Variants in SGCZ observed in about 807,000 individuals in gnomAD.
SGCZ encodes sarcoglycan zeta.
Under a neutral mutation model 41.3 loss-of-function variants are expected in SGCZ, and 40 were observed. The ratio of observed to expected loss-of-function variants is 0.97; its 90% CI spans 0.75 to 1.26. SGCZ has a LOEUF of 1.26. SGCZ is among the 50% of genes most tolerant of loss of function. The pLI, the probability that SGCZ is intolerant of heterozygous loss-of-function variation, is 0.00. For missense variants in SGCZ, 552 were observed against 369.8 expected (o/e 1.49, Z -4.04); for synonymous variants, 206 against 137.5 (o/e 1.50, Z -3.49).
At chr8:14,537,941 T>A (rs1485093545) in intron 2 of SGCZ, among the ~76,000 whole-genome samples, 1 of 151,906 alleles carries the variant, frequency 6.6e-6, no homozygotes, top group Non-Finnish European at 1.5e-5. Flanking sequence ...TCGTTTGCTT[T>A]GCTTTGTTTT....
intron 1 of SGCZ, among the ~76,000 whole-genome samples, chr8:15,103,481 T>C (rs938874196): frequency 6.6e-6 from 1 of 151,992 alleles, no homozygotes; most frequent in African/African-American, 2.4e-5. Flanking sequence ...GTAAAATCTC[T>C]TGTAAAACAA....
intron 1 of SGCZ, among the ~76,000 whole-genome samples, chr8:14,608,451 C>CG (rs34194705): frequency 2.0e-5 from 3 of 150,396 alleles, no homozygotes; most frequent in Non-Finnish European, 3.0e-5. Flanking sequence ...GGCGGGGAGG[C>CG]GGGGGGCAGA....
intron 1 of SGCZ, among the ~76,000 whole-genome samples, chr8:15,189,653 T>C (rs693473): frequency 0.14 from 21,159 of 151,954 alleles, 1,618 homozygotes; most frequent in African/African-American, 0.19. Flanking sequence ...CTGGAACCTC[T>C]GCCTCCTACC....
chr8:14,778,301 A>C (rs1800476120), intron 1 of SGCZ, among the ~76,000 whole-genome samples: 1 of 152,182 alleles, frequency 6.6e-6, no homozygotes, highest in Non-Finnish European at 1.5e-5. Context: ...GTCACCCCAA[A>C]TCTATATTTC....
intron 4 of SGCZ, among the ~76,000 whole-genome samples, chr8:14,176,769 T>C (rs1039887938): frequency 6.6e-6 from 1 of 151,948 alleles, no homozygotes; most frequent in Admixed American, 6.6e-5. Context: ...TTATGGAGAG[T>C]ATCTGAGATG....
intron 1 of SGCZ, among the ~76,000 whole-genome samples, chr8:14,910,485 GT>G (rs144352919): frequency 0.11 from 16,516 of 151,376 alleles, 1,138 homozygotes; most frequent in African/African-American, 0.18. Flanking sequence ...CTTGAAATCT[GT>G]TTTTTTTAAA....
chr8:14,183,075 T>C (rs1188737879), intron 4 of SGCZ, among the ~76,000 whole-genome samples: 5 of 151,838 alleles, frequency 3.3e-5, no homozygotes, highest in African/African-American at 4.8e-5. Flanking sequence ...AATTAAACAT[T>C]TGCAAATAAA....
chr8:14,387,243 T>C (rs935879167), intron 2 of SGCZ, among the ~76,000 whole-genome samples: 4 of 152,120 alleles, frequency 2.6e-5, no homozygotes, highest in Admixed American at 1.3e-4. Context: ...GGAAATACAG[T>C]GTCTTGCTCT....
At chr8:15,170,876 T>C (rs1459650006) in intron 1 of SGCZ, among the ~76,000 whole-genome samples, 2 of 152,318 alleles carry the variant, frequency 1.3e-5, no homozygotes, top group Middle Eastern at 3.4e-3. Context: ...ATTCGTTTAA[T>C]GCAACAAAAG....
chr8:14,705,934 A>T (rs373595098), intron 1 of SGCZ, among the ~76,000 whole-genome samples: 2 of 152,036 alleles, frequency 1.3e-5, no homozygotes, highest in East Asian at 3.9e-4. Context: ...AAGGATAGGG[A>T]TTCATTCATA....
At chr8:14,895,879 T>C (rs780754244) in intron 1 of SGCZ, among the ~76,000 whole-genome samples, 1 of 152,218 alleles carries the variant, frequency 6.6e-6, no homozygotes, top group Non-Finnish European at 1.5e-5. Context: ...AGAAATGGGA[T>C]ATTTTATTTA....
chr8:14,636,135 T>G (rs1291459356), intron 1 of SGCZ, among the ~76,000 whole-genome samples: 1 of 151,852 alleles, frequency 6.6e-6, no homozygotes, highest in Non-Finnish European at 1.5e-5. Context: ...GGACCTGCAG[T>G]AAGTTCAGTG....
At chr8:14,919,828 G>A (rs183959158) in intron 1 of SGCZ, among the ~76,000 whole-genome samples, 30 of 152,172 alleles carry the variant, frequency 2.0e-4, no homozygotes, top group Admixed American at 1.8e-3. Context: ...TGGGGCAGTA[G>A]AATCACTTGA....
chr8:14,794,941 T>C (rs1355130143), intron 1 of SGCZ, among the ~76,000 whole-genome samples: 4 of 152,130 alleles, frequency 2.6e-5, no homozygotes, highest in Non-Finnish European at 5.9e-5. Context: ...CCAGATAAAT[T>C]ATCAGCAGAG....
At chr8:14,941,148 T>G (rs1800262408) in intron 1 of SGCZ, among the ~76,000 whole-genome samples, 5 of 152,080 alleles carry the variant, frequency 3.3e-5, no homozygotes, top group Admixed American at 3.3e-4. Flanking sequence ...ACTCTTCTTG[T>G]TTGTGAAAAT....
chr8:14,159,242 CT>C (rs1803969822), intron 5 of SGCZ, among the ~76,000 whole-genome samples: 1 of 152,178 alleles, frequency 6.6e-6, no homozygotes, highest in Non-Finnish European at 1.5e-5. Flanking sequence ...GATATAACCA[CT>C]TTTTTGGTGG....
chr8:14,116,382 CAA>C (rs1485329373), intron 5 of SGCZ, among the ~76,000 whole-genome samples: 1 of 152,010 alleles, frequency 6.6e-6, no homozygotes, highest in African/African-American at 2.4e-5. Context: ...TTTAAAACAT[CAA>C]AGTTTTACCT....
intron 1 of SGCZ, among the ~76,000 whole-genome samples, chr8:15,097,209 T>C (rs1023119372): frequency 5.9e-5 from 9 of 152,162 alleles, no homozygotes; most frequent in African/African-American, 2.2e-4. Context: ...TTCACCAACT[T>C]CATAACGTGT....
At chr8:14,950,164 C>G (rs1331595945) in intron 1 of SGCZ, among the ~76,000 whole-genome samples, 2 of 152,038 alleles carry the variant, frequency 1.3e-5, no homozygotes, top group Non-Finnish European at 2.9e-5. Flanking sequence ...ATTCCATCTT[C>G]TGGAACATTC....
Sources: gnomAD v4.1 joint callset for allele counts (sites outside exome capture counted in the v4.1 genomes callset) on GRCh38, gnomAD v4.1.1 for gene constraint, MANE v1.5 for transcripts, NCBI Gene and HGNC (gene_info 2026-07-23, HGNC 2026-07-21) for gene names.